MYO10: variants seen among roughly 807,000 people sequenced by gnomAD.
The protein encoded by MYO10 is myosin X.
In MYO10, 133 loss-of-function variants were observed where a neutral mutation model predicts 257.3. The observed-to-expected ratio is 0.52, with a 90% CI of 0.45 to 0.60. The LOEUF is 0.60. MYO10 is among the 20% of genes least tolerant of loss of function. The pLI, the probability that MYO10 is intolerant of heterozygous loss-of-function variation, is 0.00. For missense variants in MYO10, 2,399 were observed against 2,635.7 expected, an observed-to-expected ratio of 0.91 and a Z score of 1.97; for synonymous variants, 1,104 against 1,028.6, an observed-to-expected ratio of 1.07 and a Z score of -1.40.
intron 10 of MYO10, among the ~76,000 whole-genome samples, chr5:16,766,568 T>C (rs1740874999): frequency 6.6e-6 from 1 of 151,798 alleles, no homozygotes; most frequent in African/African-American, 2.4e-5. Flanking sequence ...CAGCTGGGAC[T>C]ATAGGCACCC....
At position 16,701,650 on chromosome 5, in the gene MYO10, G is replaced by A; in HGVS notation, c.2745C>T (p.Ser915=). The A allele has an allele frequency of 6.2e-7, 1 of 1,613,814 alleles. No individual in the cohort carries two copies. The highest frequency in any genetic ancestry group is 8.5e-7 in the Non-Finnish European group (1 of 1,179,832). Residue 915 remains serine, a synonymous_variant, in exon 25 of 41, where the codon TCC becomes TCT. Transcript: ENST00000513610. This position sits in a 1 kb window ranked among gnomAD's most constrained non-coding sequence, Gnocchi z 8.1. ...EQQELSLTEA[S]LQKLQERRDQ... is the part of the protein sequence containing the mutation. ...CCCGCCGCTCCTGCAGCTTCTGCAG[G>A]GAAGCCTCGGTCAGCGACAGCTCCT...
intron 2 of MYO10, among the ~76,000 whole-genome samples, chr5:16,845,050 A>G (rs1446996957): frequency 6.6e-6 from 1 of 152,124 alleles, no homozygotes; most frequent in African/African-American, 2.4e-5. Context: ...CTTTAACTTG[A>G]TGTATTAAAA....
Position 16,699,333 on chromosome 5 carries a change from A to G in MYO10, c.3556+117T>C, listed in dbSNP as rs1286518185. 6.7e-6 allele frequency: 9 copies of G among 1,340,890 alleles called. No individual in the cohort carries two copies. In the Admixed American group the frequency reaches 2.0e-4, roughly 30 times the overall value. 83.1% of individuals were successfully genotyped at this position (1,340,890 alleles called of 1,614,324 possible). On this transcript the variant is annotated intron_variant, in intron 26 of 40. Coordinates refer to ENST00000513610, the MANE Select transcript of MYO10 (RefSeq NM_012334.3). ...AGGTAGAACGACTTTCCCAGTCCCC[A>G]TCCATCAGCCCAGATACAATAACAC...
chr5:16,933,007 C>T (rs1418250021), intron 1 of MYO10, among the ~76,000 whole-genome samples: 1 of 152,192 alleles, frequency 6.6e-6, no homozygotes, highest in Non-Finnish European at 1.5e-5. Flanking sequence ...AGTCCTCCCA[C>T]CTCAGCCTCC....
At chr5:16,747,918 C>CAAAAAAAAAAAAAAAAA (rs777257950) in intron 19 of MYO10, among the ~76,000 whole-genome samples, 10 of 30,530 alleles carry the variant, frequency 3.3e-4, no homozygotes, top group Non-Finnish European at 9.7e-4. Context: ...AACTCCGTCT[C>CAAAAAAAAAAAAAAAAA]AAAAAAAAAA....
intron 11 of MYO10, among the ~76,000 whole-genome samples, chr5:16,764,969 G>T (rs996961899): frequency 6.6e-6 from 1 of 152,176 alleles, no homozygotes; most frequent in African/African-American, 2.4e-5. Flanking sequence ...GATTACAGGT[G>T]TGAGCCACCG....
At chr5:16,898,665 T>A (rs955570521) in intron 1 of MYO10, among the ~76,000 whole-genome samples, 2 of 151,482 alleles carry the variant, frequency 1.3e-5, no homozygotes, top group African/African-American at 4.8e-5. Flanking sequence ...CACCTCAGCC[T>A]CTCAAAGTGC....
chr5:16,693,709 C>T (rs1737609109), intron 27 of MYO10, among the ~76,000 whole-genome samples: 1 of 152,192 alleles, frequency 6.6e-6, no homozygotes, highest in African/African-American at 2.4e-5. Context: ...AACATGTTTT[C>T]AGGCTTAGTA....
chr5:16,737,359 C>G (rs1222694175), intron 19 of MYO10, among the ~76,000 whole-genome samples: 1 of 152,162 alleles, frequency 6.6e-6, no homozygotes, highest in East Asian at 1.9e-4. Context: ...AGCCATTCAT[C>G]TGAGACAGTG....
At chr5:16,893,952 G>C (rs1225273963) in intron 1 of MYO10, among the ~76,000 whole-genome samples, 1 of 152,168 alleles carries the variant, frequency 6.6e-6, no homozygotes, top group Non-Finnish European at 1.5e-5. Flanking sequence ...AGCCAGCCAG[G>C]CAGTGGAGTG....
intron 2 of MYO10, among the ~76,000 whole-genome samples, chr5:16,836,678 T>C (rs898846432): frequency 3.3e-5 from 5 of 152,226 alleles, no homozygotes; most frequent in South Asian, 2.1e-4. Flanking sequence ...AAACTTAAAA[T>C]TGTTCTCTGC....
intron 1 of MYO10, among the ~76,000 whole-genome samples, chr5:16,905,566 G>A (rs974274958): frequency 5.3e-5 from 8 of 152,238 alleles, no homozygotes; most frequent in Admixed American, 6.5e-5. Context: ...AGGGCAATGA[G>A]TCCATCTCAG....
intron 1 of MYO10, among the ~76,000 whole-genome samples, chr5:16,910,134 G>T (rs1453314150): frequency 6.6e-6 from 1 of 152,080 alleles, no homozygotes; most frequent in Admixed American, 6.6e-5. Context: ...TTATTTAGGG[G>T]TATTGAAATT....
At chr5:16,874,089 C>T (rs1383623568) in intron 2 of MYO10, among the ~76,000 whole-genome samples, 1 of 152,048 alleles carries the variant, frequency 6.6e-6, no homozygotes, top group African/African-American at 2.4e-5. Context: ...AATCCCAACA[C>T]TTTGGGAGGC....
chr5:16,819,458 T>A (rs1260319885), intron 2 of MYO10, among the ~76,000 whole-genome samples: 1 of 152,192 alleles, frequency 6.6e-6, no homozygotes, highest in African/African-American at 2.4e-5. Context: ...ATCATTTGAT[T>A]GCGGAGTTCC....
chr5:16,762,626 G>A lies in MYO10; in HGVS notation c.1506C>T (p.Leu502=), dbSNP rs1252987127. 12 of 1,603,626 alleles carry A rather than the reference G, an allele frequency of 7.5e-6. No individual in the cohort carries two copies. Among genetic ancestry groups the A allele is most frequent in the Non-Finnish European group, 8.5e-6 (10 of 1,174,968 alleles). ...CLDLIEKKLG[L]LALINEESHF... is the part of the protein sequence containing the mutation. The stretch of plus-strand genomic sequence containing the variant: ...GGCTTTCTTCATTGATAAGGGCTAG[G>A]AGGCCAAGTTTCTAGAAGAAGAAAA... Residue 502 remains leucine, a synonymous_variant, in exon 15 of 41, where the codon CTC becomes CTT. Coordinates refer to ENST00000513610, the MANE Select transcript of MYO10 (RefSeq NM_012334.3).
At chr5:16,900,928 C>T (rs1311393743) in intron 1 of MYO10, among the ~76,000 whole-genome samples, 6 of 151,936 alleles carry the variant, frequency 3.9e-5, no homozygotes, top group African/African-American at 1.2e-4. Context: ...TTAGTAGAGA[C>T]GAAGTTTCAC....
intron 2 of MYO10, among the ~76,000 whole-genome samples, chr5:16,864,146 CT>C (rs1394970829): frequency 0.011 from 1,353 of 124,858 alleles, 11 homozygotes; most frequent in African/African-American, 0.024. Context: ...TGCTATGTGG[CT>C]ATTTTTTTTT....
intron 2 of MYO10, among the ~76,000 whole-genome samples, chr5:16,857,951 T>C (rs937215489): frequency 3.3e-5 from 5 of 152,194 alleles, no homozygotes; most frequent in South Asian, 2.1e-4. Context: ...CTAAATATCA[T>C]ATCAGAAGTA....
Sources: allele counts gnomAD v4.1 joint callset (sites outside exome capture counted in the v4.1 genomes callset), GRCh38; gene constraint gnomAD v4.1.1; non-coding constraint Gnocchi (gnomAD v3.1); transcripts MANE v1.5; gene names NCBI Gene and HGNC (gene_info 2026-07-23, HGNC 2026-07-21).